The following NFATC3 variants were observed in gnomAD, a reference collection of about 807,000 sequenced individuals.
The protein encoded by NFATC3 is nuclear factor of activated T-cells, cytoplasmic 3.
In NFATC3, 46 loss-of-function variants were observed where a neutral mutation model predicts 98.6. That is an observed-to-expected ratio of 0.47 (90% CI 0.37 to 0.60). NFATC3 has a LOEUF of 0.60. Ranked by LOEUF, NFATC3 falls within the 20% of genes least tolerant of loss-of-function variation. The probability of loss-of-function intolerance (pLI) is 0.00; values close to 1 mark genes in which losing one functional copy is unlikely to be tolerated. For missense variants in NFATC3, 1,256 were observed against 1,295.5 expected (o/e 0.97, Z 0.47); for synonymous variants, 512 against 472.2 (o/e 1.08, Z -1.09).
rs558301390 is a variant in NFATC3, at chr16:68,228,110, C to T, written c.*1639C>T. The T allele has an allele frequency of 2.9e-4, 44 of 152,214 alleles. No individual in the cohort carries two copies. The highest frequency in any genetic ancestry group is 1.0e-3 in the African/African-American group (42 of 41,516). 9.4% of individuals were successfully genotyped at this position (152,214 alleles called of 1,614,324 possible). A position where few individuals can be genotyped will look rare whatever the true frequency, so the allele number is the denominator to read the frequency against. On this transcript the variant is annotated 3_prime_UTR_variant, in exon 10 of 10. Coordinates refer to ENST00000346183, the MANE Select transcript of NFATC3 (RefSeq NM_173165.3). ...TTGTCAGTAGGTTAGGAGCTGTTGA[C>T]TCAGGATGAGGAAGTATGGTCTTTA...
intron 9 of NFATC3, among the ~76,000 whole-genome samples, chr16:68,198,516 T>G (rs994472975): frequency 2.0e-5 from 3 of 152,118 alleles, no homozygotes; most frequent in Non-Finnish European, 2.9e-5. Flanking sequence ...AGTCAGTGTG[T>G]TGAGGTTTTA....
chr16:68,148,260 C>A (rs1176398186), intron 3 of NFATC3, among the ~76,000 whole-genome samples: 2 of 152,136 alleles, frequency 1.3e-5, no homozygotes, highest in African/African-American at 2.4e-5. Flanking sequence ...GGGTGATCCA[C>A]CTGCCTAGGC....
chr16:68,150,778 A>G (rs1216004543), intron 3 of NFATC3, among the ~76,000 whole-genome samples: 1 of 152,196 alleles, frequency 6.6e-6, no homozygotes, highest in Non-Finnish European at 1.5e-5. Context: ...GATGGGGGTA[A>G]TTGAATCACT....
intron 1 of NFATC3, among the ~76,000 whole-genome samples, chr16:68,121,269 C>T (rs1431804401): frequency 3.3e-5 from 4 of 120,738 alleles, no homozygotes; most frequent in South Asian, 2.7e-4. Context: ...TTTTTTGAGA[C>T]GGAGTCTTGC....
At chr16:68,134,650 G>A (rs1280220607) in intron 3 of NFATC3, among the ~76,000 whole-genome samples, 2 of 151,976 alleles carry the variant, frequency 1.3e-5, no homozygotes, top group Admixed American at 6.6e-5. Flanking sequence ...CAAACTCAGG[G>A]CAAAAAAGGA....
intron 3 of NFATC3, among the ~76,000 whole-genome samples, chr16:68,152,189 G>A (rs1347824465): frequency 2.2e-5 from 3 of 139,468 alleles, no homozygotes; most frequent in African/African-American, 8.1e-5. Context: ...ATGGTGAAAC[G>A]CCATCTCTAC....
At chr16:68,108,361 A>G (rs986303247) in intron 1 of NFATC3, among the ~76,000 whole-genome samples, 3 of 151,988 alleles carry the variant, frequency 2.0e-5, no homozygotes, top group Admixed American at 6.6e-5. Flanking sequence ...TGTTTTTGTC[A>G]GGTTTGTCAA....
At chr16:68,194,367 C>T (rs978293544) in intron 9 of NFATC3, among the ~76,000 whole-genome samples, 1 of 152,218 alleles carries the variant, frequency 6.6e-6, no homozygotes, top group African/African-American at 2.4e-5. Flanking sequence ...TGATCTGTTA[C>T]ACTGTTTGGT....
intron 3 of NFATC3, among the ~76,000 whole-genome samples, chr16:68,131,857 G>C (rs1028049003): frequency 6.6e-6 from 1 of 152,000 alleles, no homozygotes; most frequent in Non-Finnish European, 1.5e-5. Flanking sequence ...CTCTCTCTCT[G>C]AGAATTTAAA....
chr16:68,087,477 AC>A (rs2034448080), intron 1 of NFATC3, among the ~76,000 whole-genome samples: 1 of 152,230 alleles, frequency 6.6e-6, no homozygotes, highest in Non-Finnish European at 1.5e-5. Flanking sequence ...CAAAAGGTAA[AC>A]ATCAGCAGTT....
At chr16:68,095,797 G>A (rs1264193918) in intron 1 of NFATC3, among the ~76,000 whole-genome samples, 1 of 152,162 alleles carries the variant, frequency 6.6e-6, no homozygotes, top group Admixed American at 6.5e-5. Flanking sequence ...TATGGCTATT[G>A]ATCCTGGATT....
At chr16:68,126,728 T>C (rs1355676164) in intron 3 of NFATC3, 118 bp downstream of exon 3, 4 of 978,996 alleles carry the variant, frequency 4.1e-6, no homozygotes. Flanking sequence ...AGAGAGCCTC[T>C]GTTGTTTTGG....
intron 4 of NFATC3, among the ~76,000 whole-genome samples, chr16:68,162,084 C>T (rs1023009166): frequency 2.6e-5 from 4 of 152,154 alleles, no homozygotes; most frequent in Admixed American, 1.3e-4. Context: ...TACAGGTAGT[C>T]CTCCTCCTGC....
intron 1 of NFATC3, among the ~76,000 whole-genome samples, chr16:68,107,718 G>A (rs749698586): frequency 6.6e-6 from 1 of 151,554 alleles, no homozygotes; most frequent in African/African-American, 2.4e-5. Context: ...GTGAGACACT[G>A]TATCAAAAAA....
At chr16:68,156,333 CAAA>C (rs1029517945) in intron 3 of NFATC3, among the ~76,000 whole-genome samples, 2 of 151,946 alleles carry the variant, frequency 1.3e-5, no homozygotes, top group African/African-American at 2.4e-5. Context: ...ACAACAACAA[CAAA>C]AACAAAAACA....
chr16:68,164,102 C>T (rs2039060686), intron 4 of NFATC3, among the ~76,000 whole-genome samples: 1 of 152,172 alleles, frequency 6.6e-6, no homozygotes, highest in Admixed American at 6.5e-5. Context: ...TGCACTCCAG[C>T]CTAGGCACCA....
chr16:68,157,901 A>G lies in NFATC3; in HGVS notation c.1434A>G (p.Leu478=). Residue 478 remains leucine (L), a synonymous_variant, in exon 4 of 10, where the codon CTA becomes CTG. Transcript: ENST00000346183. ...LLGYNEKPIN[L]QMFIGTADDR... ...GCTATAACGAAAAGCCAATAAATCTACAAATGTTTATTGGGACAGCAGATG... is the reference window on the plus strand; with the variant it reads ...GCTATAACGAAAAGCCAATAAATCTGCAAATGTTTATTGGGACAGCAGATG... 3 of 1,613,680 alleles carry G rather than the reference A, an allele frequency of 1.9e-6. No homozygotes were observed. Among genetic ancestry groups the G allele is most frequent in the Non-Finnish European group, 2.5e-6 (3 of 1,179,842 alleles).
rs988549002 is a variant in NFATC3 at position 68,228,189 on chromosome 16, G to T, written c.*1718G>T. On this transcript the variant is annotated 3_prime_UTR_variant, in exon 10 of 10. Transcript: ENST00000346183. ...CCCCTAAAGTTAGTTAGAGAAAAAG[G>T]TCTATTCTTCAGCAGATCACTGTGG... The T allele has an allele frequency of 1.3e-5, 2 of 152,186 alleles. No individual in the cohort carries two copies. The highest frequency in any genetic ancestry group is 4.8e-5 in the African/African-American group (2 of 41,432). The allele number at this position is 152,186 out of a possible 1,614,324, so 9.4% of individuals were successfully genotyped here. A position where few individuals can be genotyped will look rare whatever the true frequency, so the allele number is the denominator to read the frequency against.
intron 1 of NFATC3, among the ~76,000 whole-genome samples, chr16:68,108,108 G>A (rs2035760128): frequency 6.6e-6 from 1 of 152,012 alleles, no homozygotes. Flanking sequence ...TGCTTTTGTT[G>A]GCAATTGCTT....
Sources: gnomAD v4.1 joint callset for allele counts (sites outside exome capture counted in the v4.1 genomes callset) on GRCh38, gnomAD v4.1.1 for gene constraint, MANE v1.5 for transcripts, NCBI Gene and HGNC (gene_info 2026-07-23, HGNC 2026-07-21) for gene names.